GAS2: variants seen among roughly 807,000 people sequenced by gnomAD.
GAS2 encodes the protein growth arrest specific 2, also known as growth arrest-specific protein 2.
GAS2 carries 20 observed loss-of-function variants against 37.5 expected under a neutral mutation model. The observed-to-expected ratio is 0.53, with a 90% CI of 0.37 to 0.77. The LOEUF (loss-of-function observed/expected upper bound fraction) is 0.77, where lower values mean the gene tolerates loss of function less well. Among genes scored for constraint, GAS2 ranks in the 30% least tolerant of loss-of-function variants. The pLI, the probability that GAS2 is intolerant of heterozygous loss-of-function variation, is 0.00. For synonymous variants in GAS2, 144 were observed against 132.2 expected (o/e 1.09, Z -0.61); for missense variants, 336 against 373.4 (o/e 0.90, Z 0.82).
intron 4 of GAS2, among the ~76,000 whole-genome samples, chr11:22,729,330 C>T (rs1432259942): frequency 6.6e-6 from 1 of 151,806 alleles, no homozygotes; most frequent in Non-Finnish European, 1.5e-5. Context: ...TGATTCACAA[C>T]TCACTGTTCT....
chr11:22,812,485 T>A lies in GAS2; in HGVS notation c.*469T>A, dbSNP rs1857231559. 1 of 147,228 alleles carries A rather than the reference T, an allele frequency of 6.8e-6. No homozygotes were observed. The highest frequency in any genetic ancestry group is 7.4e-5 in the Admixed American group (1 of 13,460). The allele number at this position is 147,228 out of a possible 1,614,324, so 9.1% of individuals were successfully genotyped here. ...TAGTGTGATAATGTGCTGCAAAAAA[T>A]ATCCAACAGCACTACACATAAGTAC... On this transcript the variant is annotated 3_prime_UTR_variant, in exon 8 of 8. Coordinates refer to ENST00000454584, the MANE Select transcript of GAS2 (RefSeq NM_001143830.3).
At chr11:22,692,826 G>T (rs1410126505) in intron 3 of GAS2, among the ~76,000 whole-genome samples, 1 of 152,064 alleles carries the variant, frequency 6.6e-6, no homozygotes, top group Admixed American at 6.6e-5. Context: ...CTAAGTTCAT[G>T]ATAAACATTT....
At chr11:22,718,992 T>A (rs1192194807) in intron 3 of GAS2, among the ~76,000 whole-genome samples, 1 of 152,120 alleles carries the variant, frequency 6.6e-6, no homozygotes, top group Non-Finnish European at 1.5e-5. Context: ...TCTCAAACTA[T>A]CAATGACATA....
chr11:22,758,912 T>TTAAAAAAAAAA (rs1244133229), intron 7 of GAS2, among the ~76,000 whole-genome samples: 3 of 3,488 alleles, frequency 8.6e-4, no homozygotes, highest in Non-Finnish European at 7.7e-3. Context: ...AAACTCCGTC[T>TTAAAAAAAAAA]CAAAAAAAAA....
intron 3 of GAS2, among the ~76,000 whole-genome samples, chr11:22,696,204 G>T (rs564695632): frequency 8.1e-5 from 12 of 148,922 alleles, no homozygotes; most frequent in Non-Finnish European, 1.2e-4. Context: ...TTGGTTTTTT[G>T]TCCTTGCGAT....
chr11:22,655,800 C>T (rs967596065), intron 1 of GAS2, among the ~76,000 whole-genome samples: 2 of 152,138 alleles, frequency 1.3e-5, no homozygotes, highest in Non-Finnish European at 2.9e-5. Flanking sequence ...CATACAGAGC[C>T]TACCTTTATT....
chr11:22,752,745 A>G (rs1192724926), intron 6 of GAS2, among the ~76,000 whole-genome samples: 1 of 152,028 alleles, frequency 6.6e-6, no homozygotes, highest in Non-Finnish European at 1.5e-5. Flanking sequence ...GATCTGTGTT[A>G]AGATATTATA....
rs141779752 is a variant in GAS2, at chr11:22,707,543, G to A, written c.268-18749G>A. Among the ~76,000 whole-genome samples the A allele has an allele frequency of 1.6e-3, 240 of 152,238 alleles. 2 individuals carry two copies. Among genetic ancestry groups the A allele is most frequent in the African/African-American group, 5.0e-3 (209 of 41,544 alleles). On this transcript the variant is annotated intron_variant, in intron 3 of 7. Transcript: ENST00000454584. Reference sequence around the variant, plus strand: ...AGACCTCTGCTGATATACTTAGTAGGTTCTTGTAAGGGTTCAGGAAACAGT... The same window carrying A: ...AGACCTCTGCTGATATACTTAGTAGATTCTTGTAAGGGTTCAGGAAACAGT...
At chr11:22,681,831 A>AT (rs1201400366) in intron 2 of GAS2, among the ~76,000 whole-genome samples, 2 of 128,342 alleles carry the variant, frequency 1.6e-5, no homozygotes. Flanking sequence ...CTTTTATATT[A>AT]TATTTTTTTG....
intron 7 of GAS2, among the ~76,000 whole-genome samples, chr11:22,762,205 T>C (rs543164418): frequency 2.0e-5 from 3 of 152,242 alleles, no homozygotes; most frequent in Non-Finnish European, 4.4e-5. Flanking sequence ...TTGTTTTCAT[T>C]TTTACCTTCA....
At chr11:22,732,062 C>T (rs1288245924) in intron 4 of GAS2, among the ~76,000 whole-genome samples, 2 of 151,694 alleles carry the variant, frequency 1.3e-5, no homozygotes, top group Non-Finnish European at 3.0e-5. Context: ...TTAAATGGCC[C>T]AGCTACAGTT....
intron 4 of GAS2, among the ~76,000 whole-genome samples, chr11:22,728,979 T>C (rs920785771): frequency 6.6e-6 from 1 of 151,146 alleles, no homozygotes; most frequent in Non-Finnish European, 1.5e-5. Context: ...TAACACTGTG[T>C]CCTCTGCTTG....
chr11:22,732,792 A>G (rs1241141158), intron 4 of GAS2, among the ~76,000 whole-genome samples: 2 of 151,230 alleles, frequency 1.3e-5, no homozygotes, highest in South Asian at 2.1e-4. Context: ...CATCATCATC[A>G]TCATCATCAT....
intron 7 of GAS2, among the ~76,000 whole-genome samples, chr11:22,766,616 A>C (rs1219527800): frequency 6.6e-6 from 1 of 152,210 alleles, no homozygotes; most frequent in African/African-American, 2.4e-5. Flanking sequence ...AAAAAACAAA[A>C]AAGCACCCAG....
chr11:22,693,068 C>T (rs1461833296), intron 3 of GAS2, among the ~76,000 whole-genome samples: 1 of 152,082 alleles, frequency 6.6e-6, no homozygotes, highest in Non-Finnish European at 1.5e-5. Context: ...TCTGGTTTCC[C>T]TACTATTCCT....
intron 6 of GAS2, among the ~76,000 whole-genome samples, chr11:22,753,459 C>G (rs891593619): frequency 6.6e-6 from 1 of 152,064 alleles, no homozygotes; most frequent in Admixed American, 6.6e-5. Flanking sequence ...TGTCTTTTGT[C>G]TAAGAAGACT....
At chr11:22,668,940 T>C (rs1158629815) in intron 1 of GAS2, among the ~76,000 whole-genome samples, 1 of 152,212 alleles carries the variant, frequency 6.6e-6, no homozygotes, top group Non-Finnish European at 1.5e-5. Context: ...CACTCAATGT[T>C]TTTTGACTAG....
At chr11:22,711,587 T>C (rs535305795) in intron 3 of GAS2, among the ~76,000 whole-genome samples, 14 of 152,330 alleles carry the variant, frequency 9.2e-5, no homozygotes, top group Non-Finnish European at 1.2e-4. Flanking sequence ...GCTTTCTCAA[T>C]TGGGACGCTT....
intron 5 of GAS2, among the ~76,000 whole-genome samples, chr11:22,742,856 C>T (rs1853162854): frequency 6.6e-6 from 1 of 152,078 alleles, no homozygotes; most frequent in South Asian, 2.1e-4. Context: ...GGCATGAATC[C>T]ACCTACAATT....
Sources: allele counts gnomAD v4.1 joint callset (sites outside exome capture counted in the v4.1 genomes callset), GRCh38; gene constraint gnomAD v4.1.1; transcripts MANE v1.5; gene names NCBI Gene and HGNC (gene_info 2026-07-23, HGNC 2026-07-21).